The following ULK4 variants were observed in gnomAD, a reference collection of about 807,000 sequenced individuals.
ULK4 encodes inactive serine/threonine-protein kinase ULK4.
ULK4 carries 133 observed loss-of-function variants against 160.6 expected under a neutral mutation model. That is an observed-to-expected ratio of 0.83 (90% CI 0.72 to 0.96). ULK4 has a LOEUF of 0.96. Among genes scored for constraint, ULK4 ranks in the 40% least tolerant of loss-of-function variants. The pLI is 0.00. For synonymous variants in ULK4, 534 were observed against 539.8 expected, an observed-to-expected ratio of 0.99 and a Z score of 0.15; for missense variants, 1,580 against 1,499.5, an observed-to-expected ratio of 1.05 and a Z score of -0.89.
At position 41,797,265 on chromosome 3, in the gene ULK4, A is replaced by G. The variant is rs148130371; in HGVS notation, c.2010+2867T>C. On this transcript the variant is annotated intron_variant, in intron 20 of 36. Coordinates refer to ENST00000301831, the MANE Select transcript of ULK4 (RefSeq NM_017886.4). ...CAAAAGAATATGCAACAGAGACTGT[A>G]TATGAGCTACAAAACCCAAAATATT... is the stretch of plus-strand genomic sequence containing the variant. Among the ~76,000 whole-genome samples, 354 of 152,334 alleles carry G rather than the reference A, an allele frequency of 2.3e-3. 4 individuals are homozygous for G. Among genetic ancestry groups the G allele is most frequent in the Non-Finnish European group, 1.7e-3 (119 of 68,038 alleles).
intron 12 of ULK4, among the ~76,000 whole-genome samples, chr3:41,905,006 C>T (rs982622012): frequency 6.6e-6 from 1 of 152,158 alleles, no homozygotes; most frequent in African/African-American, 2.4e-5. Flanking sequence ...TCTTAAAATT[C>T]ATATGGAAAT....
intron 35 of ULK4, among the ~76,000 whole-genome samples, chr3:41,279,626 C>G (rs371892017): frequency 6.6e-6 from 1 of 152,158 alleles, no homozygotes. Flanking sequence ...AGAAACCCTA[C>G]AAGCCAGAAG....
intron 19 of ULK4, among the ~76,000 whole-genome samples, chr3:41,803,405 C>A (rs1254387913): frequency 2.6e-5 from 4 of 152,078 alleles, no homozygotes; most frequent in Admixed American, 2.6e-4. Flanking sequence ...GAATCACAAA[C>A]CTAAATGTAA....
intron 21 of ULK4, among the ~76,000 whole-genome samples, chr3:41,773,404 A>G (rs1359022499): frequency 1.3e-5 from 2 of 152,224 alleles, no homozygotes; most frequent in African/African-American, 4.8e-5. Flanking sequence ...TGCAAAAATC[A>G]CAGGCATTCT....
In ULK4 at chr3:41,711,728, T is replaced by C. The variant is rs1319324250; in HGVS notation, c.2634+3509A>G. Among the ~76,000 whole-genome samples the C allele has an allele frequency of 7.9e-5, 12 of 152,368 alleles. No homozygotes were observed. The East Asian group carries it at 2.1e-3, about 27-fold the overall frequency. ...GAACTTAAACACAACAAAGTCTGCT[T>C]CCTCTGATCATTAATCAAATGCATT... is the stretch of plus-strand genomic sequence containing the variant. On this transcript the variant is annotated intron_variant, in intron 25 of 36. Coordinates refer to ENST00000301831, the MANE Select transcript of ULK4 (RefSeq NM_017886.4).
intron 17 of ULK4, among the ~76,000 whole-genome samples, chr3:41,838,812 C>A (rs1172699189): frequency 1.3e-5 from 2 of 152,148 alleles, no homozygotes; most frequent in African/African-American, 4.8e-5. Flanking sequence ...CAACACCCCC[C>A]TCTCATGCAC....
intron 21 of ULK4, among the ~76,000 whole-genome samples, chr3:41,780,870 G>C (rs967088499): frequency 6.6e-6 from 1 of 151,978 alleles, no homozygotes; most frequent in African/African-American, 2.4e-5. Flanking sequence ...TGGTCTTATC[G>C]GGTTCCCAGA....
chr3:41,496,829 T>C (rs2085008787), intron 32 of ULK4, among the ~76,000 whole-genome samples: 1 of 152,074 alleles, frequency 6.6e-6, no homozygotes, highest in Non-Finnish European at 1.5e-5. Flanking sequence ...AAGCAACACC[T>C]TACTAATAGA....
intron 22 of ULK4, among the ~76,000 whole-genome samples, chr3:41,752,680 G>A (rs911500833): frequency 6.6e-6 from 1 of 152,102 alleles, no homozygotes; most frequent in African/African-American, 2.4e-5. Context: ...TTGTTATTTG[G>A]CAGTATCTAT....
intron 22 of ULK4, among the ~76,000 whole-genome samples, chr3:41,727,108 GCA>G (rs2037679026): frequency 6.6e-6 from 1 of 152,066 alleles, no homozygotes; most frequent in African/African-American, 2.4e-5. Flanking sequence ...TATGCGCATT[GCA>G]CACACATCCA....
chr3:41,683,916 A>G (rs745822032), intron 27 of ULK4, among the ~76,000 whole-genome samples: 12 of 152,144 alleles, frequency 7.9e-5, no homozygotes, highest in South Asian at 2.1e-4. Context: ...GCAAGCCTAC[A>G]GACCCTGGGT....
rs183948629 is a variant in ULK4 at position 41,479,685 on chromosome 3, G to C, written c.3227-16432C>G. Among the ~76,000 whole-genome samples the C allele has an allele frequency of 3.6e-3, 543 of 152,266 alleles. 2 individuals are homozygous for C. Among genetic ancestry groups the C allele is most frequent in the African/African-American group, 0.012 (518 of 41,560 alleles). On this transcript the variant is annotated intron_variant, in intron 32 of 36. Transcript: ENST00000301831. ...GGGCCTGTGAAAAACAGCAGAGACA[G>C]GTAGGGCAGAAGAGTAGAGAGACGT...
intron 16 of ULK4, among the ~76,000 whole-genome samples, chr3:41,892,075 C>T (rs1177137585): frequency 2.6e-5 from 4 of 152,084 alleles, no homozygotes; most frequent in Non-Finnish European, 4.4e-5. Context: ...AAAATTCCTC[C>T]TAAATTCATA....
chr3:41,330,968 G>A (rs890116858), intron 35 of ULK4, among the ~76,000 whole-genome samples: 2 of 152,174 alleles, frequency 1.3e-5, no homozygotes, highest in Non-Finnish European at 2.9e-5. Flanking sequence ...AGTTTCCCAA[G>A]ACTAAAGGGT....
At position 41,898,444 on chromosome 3, in the gene ULK4, G is replaced by A; in HGVS notation, c.1336C>T (p.Pro446Ser). 6.3e-7 allele frequency: 1 copy of A among 1,593,184 alleles called. No homozygotes were observed. The highest frequency in any genetic ancestry group is 1.3e-5 in the African/African-American group (1 of 74,126). Reference protein sequence around the residue: ...VKFDAKILHLPTYSVDKLLFL... With the variant: ...VKFDAKILHLSTYSVDKLLFL... ...TTTATGATCCTACCTGAATATGTTG[G>A]TAGATGCAATATTTTTGCATCAAAT... Residue 446 changes from proline to serine, a missense_variant, in exon 14 of 37, where the codon CCA becomes TCA. By Grantham distance (74) the Pro-to-Ser change is moderately conservative. Transcript: ENST00000301831.
Position 41,546,766 on chromosome 3 carries a change from TTAA to T in ULK4, c.3226+19256_3226+19258del, listed in dbSNP as rs1254558820. ...AGATTCTACTTTCCTCCCTAGGCCC[TTAA>T]AAAAAAAAAAAAAAAAAAAAAAGCC... is the stretch of plus-strand genomic sequence containing the variant. On this transcript the variant is annotated intron_variant, in intron 32 of 36. Transcript: ENST00000301831. Among the ~76,000 whole-genome samples the T allele has an allele frequency of 2.4e-4, 29 of 122,280 alleles. 2 individuals are homozygous for T. The highest frequency in any genetic ancestry group is 5.1e-4 in the South Asian group (2 of 3,960). The allele number at this position is 122,280 out of a possible 152,430, so 80.2% of individuals were successfully genotyped here.
intron 33 of ULK4, among the ~76,000 whole-genome samples, chr3:41,456,148 G>C (rs533632971): frequency 6.6e-6 from 1 of 152,186 alleles, no homozygotes. Flanking sequence ...GACCTCACGT[G>C]ATCCACCCAT....
Position 41,696,376 on chromosome 3 carries a change from T to C in ULK4, c.2781+8681A>G, listed in dbSNP as rs2125815194. Among the ~76,000 whole-genome samples the C allele has an allele frequency of 2.6e-5, 4 of 152,256 alleles. No individual in the cohort carries two copies. In the South Asian group the frequency reaches 8.4e-4, roughly 32 times the overall value. On this transcript the variant is annotated intron_variant, in intron 27 of 36. Coordinates refer to ENST00000301831, the MANE Select transcript of ULK4 (RefSeq NM_017886.4). ...TGTAAGCTGTCTCTCTCTCTCCCTC[T>C]CTCTCTCTGCCTTGGCTGCCAGGCA...
At chr3:41,832,946 T>C (rs1454422139) in intron 18 of ULK4, among the ~76,000 whole-genome samples, 1 of 152,204 alleles carries the variant, frequency 6.6e-6, no homozygotes, top group African/African-American at 2.4e-5. Flanking sequence ...CCTTGTAGTA[T>C]AGTTTAAAGT....
Sources: gnomAD v4.1 joint callset for allele counts (sites outside exome capture counted in the v4.1 genomes callset) on GRCh38, gnomAD v4.1.1 for gene constraint, MANE v1.5 for transcripts, NCBI Gene and HGNC (gene_info 2026-07-23, HGNC 2026-07-21) for gene names.